Variants in TTC29 observed in about 807,000 individuals in gnomAD.
TTC29 encodes tetratricopeptide repeat protein 29.
TTC29 carries 49 observed loss-of-function variants against 58.1 expected under a neutral mutation model. The ratio of observed to expected loss-of-function variants is 0.84; its 90% CI spans 0.67 to 1.07. TTC29 has a LOEUF of 1.07. TTC29 is among the 50% of genes least tolerant of loss of function. The probability of loss-of-function intolerance (pLI) is 0.00; values close to 1 mark genes in which losing one functional copy is unlikely to be tolerated. For synonymous variants in TTC29, 209 were observed against 196.8 expected (o/e 1.06, Z -0.52); for missense variants, 582 against 555.6 (o/e 1.05, Z -0.48).
intron 11 of TTC29, among the ~76,000 whole-genome samples, chr4:146,746,333 T>C (rs1349708433): frequency 6.6e-6 from 1 of 151,868 alleles, no homozygotes; most frequent in Non-Finnish European, 1.5e-5. Flanking sequence ...CAACAAAGAA[T>C]AGACAGTTGC....
At chr4:146,917,453 T>C (rs1044924906) in intron 4 of TTC29, among the ~76,000 whole-genome samples, 2 of 148,368 alleles carry the variant, frequency 1.3e-5, no homozygotes, top group Non-Finnish European at 1.5e-5. Context: ...TAGACCATAT[T>C]CACTTTGAGA....
chr4:146,850,372 C>T (rs1399050720), intron 8 of TTC29, among the ~76,000 whole-genome samples: 1 of 152,214 alleles, frequency 6.6e-6, no homozygotes, highest in East Asian at 1.9e-4. Context: ...TCAAAGACAG[C>T]ATACTCATCC....
At chr4:146,805,587 G>T (rs758466918) in intron 10 of TTC29, among the ~76,000 whole-genome samples, 1 of 151,878 alleles carries the variant, frequency 6.6e-6, no homozygotes, top group Non-Finnish European at 1.5e-5. Context: ...ACTTCGTGAA[G>T]CATACAAAAG....
At chr4:146,799,095 A>T (rs1445107571) in intron 11 of TTC29, among the ~76,000 whole-genome samples, 4 of 152,090 alleles carry the variant, frequency 2.6e-5, no homozygotes, top group Admixed American at 2.6e-4. Flanking sequence ...AGCTCAGATC[A>T]CTGGACTCTT....
intron 7 of TTC29, among the ~76,000 whole-genome samples, chr4:146,874,268 A>G (rs56271589): frequency 2.6e-5 from 4 of 152,238 alleles, no homozygotes; most frequent in African/African-American, 2.4e-5. Flanking sequence ...AAAGGTCTCA[A>G]ATATGTTACA....
At chr4:146,807,405 GAGAC>G (rs1750691407) in intron 10 of TTC29, among the ~76,000 whole-genome samples, 1 of 152,008 alleles carries the variant, frequency 6.6e-6, no homozygotes, top group Non-Finnish European at 1.5e-5. Flanking sequence ...AGAACTGAAG[GAGAC>G]AGAGACACAA....
chr4:146,755,528 G>C (rs958934046), intron 11 of TTC29, among the ~76,000 whole-genome samples: 2 of 152,122 alleles, frequency 1.3e-5, no homozygotes, highest in Non-Finnish European at 2.9e-5. Flanking sequence ...GAACAAATTA[G>C]AGATCTAATG....
chr4:146,736,376 G>T (rs1372671106), intron 11 of TTC29, among the ~76,000 whole-genome samples: 2 of 152,192 alleles, frequency 1.3e-5, no homozygotes, highest in African/African-American at 2.4e-5. Flanking sequence ...GTGGTTGCCT[G>T]TCCTTTACCT....
chr4:146,797,128 A>T (rs565751476), intron 11 of TTC29, among the ~76,000 whole-genome samples: 1 of 152,338 alleles, frequency 6.6e-6, no homozygotes, highest in South Asian at 2.1e-4. Flanking sequence ...CATTCAGTTC[A>T]AATATTGAGC....
intron 6 of TTC29, among the ~76,000 whole-genome samples, chr4:146,887,636 T>C (rs552805197): frequency 2.4e-4 from 36 of 152,244 alleles, no homozygotes; most frequent in African/African-American, 8.4e-4. Context: ...CCAATATGAC[T>C]CTAAAATTCA....
chr4:146,899,592 A>G (rs190187414), intron 6 of TTC29, among the ~76,000 whole-genome samples: 124 of 152,234 alleles, frequency 8.1e-4, no homozygotes, highest in African/African-American at 2.9e-3. Flanking sequence ...GCCGCACACC[A>G]AAGACCCATT....
intron 2 of TTC29, among the ~76,000 whole-genome samples, chr4:146,941,857 C>T (rs1318785178): frequency 6.6e-6 from 1 of 152,102 alleles, no homozygotes; most frequent in Non-Finnish European, 1.5e-5. Flanking sequence ...CCCAAAACCT[C>T]CTGTGAAATA....
At chr4:146,887,151 C>T (rs1033581279) in intron 6 of TTC29, among the ~76,000 whole-genome samples, 17 of 151,946 alleles carry the variant, frequency 1.1e-4, no homozygotes, top group African/African-American at 3.6e-4. Flanking sequence ...CAACTTTGTG[C>T]CTATAGATAA....
chr4:146,821,225 T>C (rs563679374), intron 9 of TTC29, among the ~76,000 whole-genome samples: 2 of 152,140 alleles, frequency 1.3e-5, no homozygotes, highest in African/African-American at 4.8e-5. Flanking sequence ...GATTGAGAAA[T>C]GACAAATAAT....
chr4:146,896,192 A>C (rs912700672), intron 6 of TTC29, among the ~76,000 whole-genome samples: 1 of 152,138 alleles, frequency 6.6e-6, no homozygotes, highest in Admixed American at 6.6e-5. Context: ...CCAGAATATG[A>C]TATACAGAAA....
At chr4:146,740,344 A>G (rs889685860) in intron 11 of TTC29, among the ~76,000 whole-genome samples, 4 of 152,180 alleles carry the variant, frequency 2.6e-5, no homozygotes, top group Non-Finnish European at 5.9e-5. Flanking sequence ...AGGGTAACAA[A>G]GAGGATGTTG....
At chr4:146,911,110 C>T (rs1292637598) in intron 4 of TTC29, among the ~76,000 whole-genome samples, 2 of 152,142 alleles carry the variant, frequency 1.3e-5, no homozygotes, top group East Asian at 3.9e-4. Flanking sequence ...TCCCCACCTC[C>T]CTATACGCAA....
intron 11 of TTC29, among the ~76,000 whole-genome samples, chr4:146,796,408 A>G (rs1344326123): frequency 6.6e-6 from 1 of 152,152 alleles, no homozygotes; most frequent in Non-Finnish European, 1.5e-5. Flanking sequence ...TTGCACCCCA[A>G]TTTTCAAATG....
intron 10 of TTC29, among the ~76,000 whole-genome samples, chr4:146,805,894 A>G (rs967517186): frequency 3.3e-5 from 5 of 152,098 alleles, no homozygotes; most frequent in African/African-American, 1.2e-4. Context: ...GAACACCACA[A>G]AACTCTTCGA....
Sources: gnomAD v4.1 joint callset for allele counts (sites outside exome capture counted in the v4.1 genomes callset) on GRCh38, gnomAD v4.1.1 for gene constraint, MANE v1.5 for transcripts, NCBI Gene and HGNC (gene_info 2026-07-23, HGNC 2026-07-21) for gene names.